The following CNTNAP2 variants were observed in gnomAD, a reference collection of about 807,000 sequenced individuals.
CNTNAP2 encodes the protein contactin-associated protein-like 2.
CNTNAP2 carries 98 observed loss-of-function variants against 155.2 expected under a neutral mutation model. That is an observed-to-expected ratio of 0.63 (90% confidence interval 0.54 to 0.75). CNTNAP2 has a LOEUF of 0.75. Ranked by LOEUF, CNTNAP2 falls within the 30% of genes least tolerant of loss-of-function variation. The probability of loss-of-function intolerance (pLI) is 0.00; values close to 1 mark genes in which losing one functional copy is unlikely to be tolerated. For synonymous variants in CNTNAP2, 651 were observed against 631.2 expected (o/e 1.03, Z -0.47); for missense variants, 1,727 against 1,688.1 (o/e 1.02, Z -0.40).
chr7:148,017,447 A>G (rs1802200112), intron 15 of CNTNAP2, among the ~76,000 whole-genome samples: 1 of 152,232 alleles, frequency 6.6e-6, no homozygotes, highest in East Asian at 1.9e-4. Flanking sequence ...AAGGCTGCTT[A>G]TGTTAAAAAT....
At chr7:146,582,966 C>G (rs6960544) in intron 1 of CNTNAP2, among the ~76,000 whole-genome samples, 116,843 of 149,312 alleles carry the variant, frequency 0.78, 46,282 homozygotes, top group South Asian at 0.9. Context: ...ATATATAATA[C>G]TCATTAATAG....
intron 13 of CNTNAP2, among the ~76,000 whole-genome samples, chr7:147,640,904 C>T (rs7801452): frequency 0.33 from 50,362 of 151,952 alleles, 9,029 homozygotes; most frequent in African/African-American, 0.44. Context: ...TGACCGGGCA[C>T]GTTATTCACG....
chr7:146,258,434 A>C (rs1799872323), intron 1 of CNTNAP2, among the ~76,000 whole-genome samples: 1 of 152,196 alleles, frequency 6.6e-6, no homozygotes, highest in East Asian at 1.9e-4. Context: ...GCAATCATTT[A>C]TATTTTATGC....
chr7:146,743,335 T>A (rs1465907792), intron 1 of CNTNAP2, among the ~76,000 whole-genome samples: 1 of 152,184 alleles, frequency 6.6e-6, no homozygotes, highest in Non-Finnish European at 1.5e-5. Context: ...TCAGTGGACC[T>A]AATTAGCATA....
At chr7:148,198,633 C>A (rs1277866443) in intron 18 of CNTNAP2, among the ~76,000 whole-genome samples, 1 of 152,220 alleles carries the variant, frequency 6.6e-6, no homozygotes, top group Non-Finnish European at 1.5e-5. Flanking sequence ...TCTAGATACT[C>A]CCTGGGCCAT....
chr7:146,877,776 A>G (rs141947493), intron 3 of CNTNAP2, among the ~76,000 whole-genome samples: 3 of 152,028 alleles, frequency 2.0e-5, no homozygotes, highest in African/African-American at 7.2e-5. Flanking sequence ...AACTGTTTAT[A>G]TTTCATGATG....
intron 3 of CNTNAP2, among the ~76,000 whole-genome samples, chr7:146,942,959 A>G (rs1167450467): frequency 2.6e-5 from 4 of 152,194 alleles, no homozygotes; most frequent in Non-Finnish European, 5.9e-5. Context: ...CACAGTAAAA[A>G]TTTAGAAATA....
intron 16 of CNTNAP2, among the ~76,000 whole-genome samples, chr7:148,124,578 T>C (rs2116618976): frequency 6.6e-6 from 1 of 152,256 alleles, no homozygotes; most frequent in Non-Finnish European, 1.5e-5. Flanking sequence ...AGCATCCACC[T>C]CCTAGTGAAG....
chr7:147,320,173 A>G (rs1795322598), intron 9 of CNTNAP2, among the ~76,000 whole-genome samples: 1 of 152,180 alleles, frequency 6.6e-6, no homozygotes, highest in Admixed American at 6.5e-5. Context: ...TCCCCATTCC[A>G]TACAGCAGGA....
rs151338073 is a variant in CNTNAP2 at position 146,714,849 on chromosome 7, C to T, written c.98-59422C>T. Among the ~76,000 whole-genome samples, 81 of 152,234 alleles carry T rather than the reference C, an allele frequency of 5.3e-4. 1 individual carries two copies. In the East Asian group the frequency reaches 0.014, roughly 27 times the overall value. Reference sequence around the variant, plus strand: ...TAGTCACTGTGATATATGGTCCTGTCCAGTGACGTTCTGGGCCCTAGGTCT... The same window carrying T: ...TAGTCACTGTGATATATGGTCCTGTTCAGTGACGTTCTGGGCCCTAGGTCT... On this transcript the variant is annotated intron_variant, in intron 1 of 23. Coordinates refer to ENST00000361727, the MANE Select transcript of CNTNAP2 (RefSeq NM_014141.6).
intron 13 of CNTNAP2, among the ~76,000 whole-genome samples, chr7:147,686,530 G>A (rs994237287): frequency 5.3e-5 from 8 of 151,944 alleles, no homozygotes; most frequent in Admixed American, 3.9e-4. Context: ...TAAATCCAGG[G>A]GTCCAATTAA....
At chr7:147,265,403 T>G (rs566120896) in intron 8 of CNTNAP2, among the ~76,000 whole-genome samples, 1 of 152,202 alleles carries the variant, frequency 6.6e-6, no homozygotes, top group East Asian at 1.9e-4. Flanking sequence ...GTGGCCCAAC[T>G]GCCTCTTTAG....
intron 14 of CNTNAP2, among the ~76,000 whole-genome samples, chr7:147,906,449 T>G (rs576811576): frequency 6.6e-6 from 1 of 151,960 alleles, no homozygotes; most frequent in East Asian, 1.9e-4. Context: ...ATTACAACCA[T>G]GAGCCACCAT....
At chr7:147,613,580 A>G (rs1801227115) in intron 12 of CNTNAP2, among the ~76,000 whole-genome samples, 2 of 151,998 alleles carry the variant, frequency 1.3e-5, no homozygotes, top group Non-Finnish European at 2.9e-5. Flanking sequence ...GCTCATGTCT[A>G]TAATCCCAGC....
chr7:147,902,582 C>T (rs905085575), intron 13 of CNTNAP2, among the ~76,000 whole-genome samples: 1 of 152,058 alleles, frequency 6.6e-6, no homozygotes, highest in Admixed American at 6.6e-5. Context: ...CCCTGAGTCC[C>T]CAAAGTCCTT....
At chr7:147,121,205 A>C (rs1350864632) in intron 6 of CNTNAP2, 42 bp downstream of exon 6, 1 of 1,572,820 alleles carries the variant, frequency 6.4e-7, no homozygotes, top group Non-Finnish European at 8.7e-7. Flanking sequence ...ATGTCAAGCA[A>C]TTGTGTCACT....
intron 1 of CNTNAP2, among the ~76,000 whole-genome samples, chr7:146,573,628 C>A (rs1276251651): frequency 6.6e-6 from 1 of 152,126 alleles, no homozygotes; most frequent in Non-Finnish European, 1.5e-5. Flanking sequence ...GAAAAGGACA[C>A]CTGCATAAAG....
intron 1 of CNTNAP2, among the ~76,000 whole-genome samples, chr7:146,683,879 A>G (rs1800548473): frequency 6.6e-6 from 1 of 151,670 alleles, no homozygotes; most frequent in Non-Finnish European, 1.5e-5. Context: ...GGTGTGTAGA[A>G]CTGAGGCTCT....
intron 19 of CNTNAP2, among the ~76,000 whole-genome samples, chr7:148,218,163 CAT>C (rs1386239219): frequency 2.0e-5 from 3 of 152,172 alleles, no homozygotes; most frequent in African/African-American, 7.2e-5. Context: ...ACTAATAAAA[CAT>C]AAATACATTC....
Sources: gnomAD v4.1 joint callset for allele counts (sites outside exome capture counted in the v4.1 genomes callset) on GRCh38, gnomAD v4.1.1 for gene constraint, MANE v1.5 for transcripts, NCBI Gene and HGNC (gene_info 2026-07-23, HGNC 2026-07-21) for gene names.